Variants in DGKI observed in about 807,000 individuals in gnomAD.
The protein encoded by DGKI is diacylglycerol kinase iota.
DGKI carries 55 observed loss-of-function variants against 147.5 expected under a neutral mutation model. The ratio of observed to expected loss-of-function variants is 0.37; its 90% CI spans 0.30 to 0.47. The LOEUF is 0.47. DGKI is among the 20% of genes least tolerant of loss of function. DGKI has a pLI of 1.00. For missense variants in DGKI, 1,007 were observed against 1,323.8 expected, an observed-to-expected ratio of 0.76 and a Z score of 3.71; for synonymous variants, 469 against 477.1, an observed-to-expected ratio of 0.98 and a Z score of 0.22.
At chr7:137,619,049 C>T (rs1338874004) in intron 8 of DGKI, among the ~76,000 whole-genome samples, 1 of 152,178 alleles carries the variant, frequency 6.6e-6, no homozygotes, top group Non-Finnish European at 1.5e-5. Flanking sequence ...AAAGGTATTG[C>T]ATTTGATAAG....
intron 1 of DGKI, among the ~76,000 whole-genome samples, chr7:137,710,270 GA>G (rs1297032446): frequency 6.6e-6 from 1 of 152,096 alleles, no homozygotes; most frequent in Non-Finnish European, 1.5e-5. Flanking sequence ...GAGGGAACTT[GA>G]CAAGCTAATT....
intron 5 of DGKI, among the ~76,000 whole-genome samples, chr7:137,653,150 G>A (rs890347791): frequency 8.5e-5 from 13 of 152,288 alleles, no homozygotes; most frequent in African/African-American, 1.7e-4. Flanking sequence ...GTGTGCGCGC[G>A]CGTGCGCGCA....
At chr7:137,658,960 T>C (rs540372012) in intron 3 of DGKI, among the ~76,000 whole-genome samples, 2 of 152,364 alleles carry the variant, frequency 1.3e-5, no homozygotes, top group East Asian at 3.9e-4. Flanking sequence ...TTAACTGAAC[T>C]ATATTGATTT....
chr7:137,588,625 T>TCCCC (rs1819498214), intron 12 of DGKI, among the ~76,000 whole-genome samples: 1 of 152,082 alleles, frequency 6.6e-6, no homozygotes, highest in Non-Finnish European at 1.5e-5. Flanking sequence ...TACAGGCGTA[T>TCCCC]GCCACCACGC....
intron 22 of DGKI, among the ~76,000 whole-genome samples, chr7:137,486,899 A>G (rs1815582319): frequency 6.6e-6 from 1 of 152,136 alleles, no homozygotes; most frequent in African/African-American, 2.4e-5. Flanking sequence ...TGACTCTAAT[A>G]TACATCTTTC....
intron 15 of DGKI, among the ~76,000 whole-genome samples, chr7:137,579,448 A>AG (rs1336568610): frequency 6.6e-6 from 1 of 151,344 alleles, no homozygotes; most frequent in Admixed American, 6.6e-5. Flanking sequence ...AAAAAAAAAA[A>AG]AAAGAAAGAA....
intron 8 of DGKI, 150 bp downstream of exon 8, chr7:137,619,674 T>C (rs1264393142): frequency 3.2e-6 from 2 of 632,418 alleles, no homozygotes; most frequent in Non-Finnish European, 5.6e-6. Flanking sequence ...GATGGGCCAA[T>C]GGGATGAACT....
chr7:137,525,600 A>G (rs1028434107), intron 20 of DGKI, among the ~76,000 whole-genome samples: 2 of 152,120 alleles, frequency 1.3e-5, no homozygotes, highest in Admixed American at 6.6e-5. Context: ...TCTATGCTTC[A>G]TTTTCCTCAT....
intron 1 of DGKI, among the ~76,000 whole-genome samples, chr7:137,753,845 C>T (rs970464232): frequency 3.3e-5 from 5 of 152,002 alleles, no homozygotes; most frequent in Non-Finnish European, 7.4e-5. Flanking sequence ...AGAGTAAATG[C>T]CACCAGCTCC....
rs373240325 is a variant in DGKI, at chr7:137,663,934, C to T, written c.607-7394G>A. Reference sequence around the variant, plus strand: ...TCCCCACTTAACCCTCAATCAGCCCCGGTCTGGAGAATTGGTGGCTTAGGA... The same window carrying T: ...TCCCCACTTAACCCTCAATCAGCCCTGGTCTGGAGAATTGGTGGCTTAGGA... On this transcript the variant is annotated intron_variant, in intron 3 of 32. Transcript: ENST00000614521. Among the ~76,000 whole-genome samples, 12 of 152,286 alleles carry T rather than the reference C, an allele frequency of 7.9e-5. No homozygotes were observed. In the East Asian group the frequency reaches 1.5e-3, roughly 20 times the overall value.
chr7:137,799,428 G>T (rs1433565718), intron 1 of DGKI, among the ~76,000 whole-genome samples: 4 of 152,158 alleles, frequency 2.6e-5, no homozygotes, highest in Admixed American at 2.6e-4. Flanking sequence ...AAGTAGTGAT[G>T]ATAGTCAAAC....
rs755451897 is a variant in DGKI at position 137,388,008 on chromosome 7, G to A, written c.*3212C>T. 6.6e-6 allele frequency: 1 copy of A among 152,154 alleles called. No individual in the cohort carries two copies. Among genetic ancestry groups the A allele is most frequent in the Admixed American group, 6.5e-5 (1 of 15,270 alleles). The allele number at this position is 152,154 out of a possible 1,614,324, so 9.4% of individuals were successfully genotyped here. A position where few individuals can be genotyped will look rare whatever the true frequency, so the allele number is the denominator to read the frequency against. ...AAAGCAGCCATTCTGAAAGGATAAG[G>A]AGCAACAGGTATGTACGGCTCTCCA... On this transcript the variant is annotated 3_prime_UTR_variant, in exon 33 of 33. Transcript: ENST00000614521.
intron 21 of DGKI, among the ~76,000 whole-genome samples, chr7:137,496,587 C>T (rs1482089550): frequency 7.1e-6 from 1 of 141,556 alleles, no homozygotes; most frequent in Non-Finnish European, 1.5e-5. Flanking sequence ...CAACATGATA[C>T]TGGTACAAAA....
intron 1 of DGKI, among the ~76,000 whole-genome samples, chr7:137,802,786 A>T (rs1475256324): frequency 6.6e-6 from 1 of 152,206 alleles, no homozygotes; most frequent in Admixed American, 6.5e-5. Context: ...TCTCTGAGTC[A>T]GAGAAAATCT....
At chr7:137,726,391 C>A (rs1794716983) in intron 1 of DGKI, among the ~76,000 whole-genome samples, 1 of 152,044 alleles carries the variant, frequency 6.6e-6, no homozygotes, top group Admixed American at 6.6e-5. Context: ...AATCCAAGTC[C>A]AATTCCAAAA....
intron 27 of DGKI, among the ~76,000 whole-genome samples, chr7:137,455,035 G>C (rs1407729434): frequency 6.6e-6 from 1 of 152,060 alleles, no homozygotes; most frequent in Non-Finnish European, 1.5e-5. Context: ...ATCTCCCTGT[G>C]GTAATTGAGT....
intron 1 of DGKI, among the ~76,000 whole-genome samples, chr7:137,783,101 C>T (rs1796569511): frequency 1.3e-5 from 2 of 152,172 alleles, no homozygotes; most frequent in Non-Finnish European, 2.9e-5. Flanking sequence ...CATACCAGCT[C>T]ATGAGCAATG....
At chr7:137,420,047 A>G (rs896733554) in intron 28 of DGKI, among the ~76,000 whole-genome samples, 1 of 152,226 alleles carries the variant, frequency 6.6e-6, no homozygotes, top group Non-Finnish European at 1.5e-5. Context: ...CTGCTCCACT[A>G]AGAGCTGAAA....
intron 19 of DGKI, among the ~76,000 whole-genome samples, chr7:137,567,641 G>A (rs764645171): frequency 1.3e-4 from 20 of 152,158 alleles, no homozygotes; most frequent in Admixed American, 6.5e-5. Context: ...CAACCACAAT[G>A]TGTAAGTTTT....
Sources: allele counts gnomAD v4.1 joint callset (sites outside exome capture counted in the v4.1 genomes callset), GRCh38; gene constraint gnomAD v4.1.1; transcripts MANE v1.5; gene names NCBI Gene and HGNC (gene_info 2026-07-23, HGNC 2026-07-21).